Variants in ZDHHC14 observed in about 807,000 individuals in gnomAD.
ZDHHC14 encodes the protein zDHHC palmitoyltransferase 14.
ZDHHC14 carries 16 observed loss-of-function variants against 47.7 expected under a neutral mutation model. The observed-to-expected ratio is 0.34, with a 90% CI of 0.23 to 0.51. The LOEUF (loss-of-function observed/expected upper bound fraction) is 0.51. ZDHHC14 is among the 20% of genes least tolerant of loss of function. The pLI is 0.97. For missense variants in ZDHHC14, 515 were observed against 662.5 expected, an observed-to-expected ratio of 0.78 and a Z score of 2.44; for synonymous variants, 293 against 278.9, an observed-to-expected ratio of 1.05 and a Z score of -0.50.
chr6:157,498,804 G>C (rs1780128927), intron 1 of ZDHHC14, among the ~76,000 whole-genome samples: 2 of 152,180 alleles, frequency 1.3e-5, no homozygotes, highest in African/African-American at 2.4e-5. Context: ...CCAGAGAATA[G>C]TGCAAAAACA....
rs1309647466 is a variant in ZDHHC14, at chr6:157,673,459, C to A, written c.*337C>A. 1.4e-5 allele frequency: 5 copies of A among 363,886 alleles called. No individual in the cohort carries two copies. Among genetic ancestry groups the A allele is most frequent in the Non-Finnish European group, 2.4e-5 (5 of 204,536 alleles). 22.5% of individuals were successfully genotyped at this position (363,886 alleles called of 1,614,324 possible). On this transcript the variant is annotated 3_prime_UTR_variant, in exon 9 of 9. Coordinates refer to ENST00000359775, the MANE Select transcript of ZDHHC14 (RefSeq NM_024630.3). The surrounding 1 kb of genome is among the most constrained non-coding windows in gnomAD (Gnocchi z 5.4). ...CACGGAAGGCTTCTGACGCTTGTGG[C>A]CAGACTGCAATTGCACTTATGTGTT... is the stretch of plus-strand genomic sequence containing the variant.
At chr6:157,462,262 C>T (rs951181005) in intron 1 of ZDHHC14, among the ~76,000 whole-genome samples, 6 of 152,140 alleles carry the variant, frequency 3.9e-5, no homozygotes, top group Non-Finnish European at 7.4e-5. Flanking sequence ...TCAGAGTTGA[C>T]GGACATGCCT....
intron 1 of ZDHHC14, among the ~76,000 whole-genome samples, chr6:157,512,347 A>G (rs547835871): frequency 1.3e-5 from 2 of 152,348 alleles, no homozygotes; most frequent in South Asian, 2.1e-4. Flanking sequence ...GCTTACGGCC[A>G]CATAGCCCTC....
intron 1 of ZDHHC14, 34 bp from the exon 2 acceptor site, chr6:157,542,550 TC>T (rs769411787): frequency 1.5e-4 from 243 of 1,599,014 alleles, no homozygotes; most frequent in Middle Eastern, 3.3e-4. Flanking sequence ...TCCTTTCTTT[TC>T]CCCTTCTCTC....
rs1326796107 is a variant in ZDHHC14, at chr6:157,396,152, C to T, written c.245+13886C>T. 2.0e-5 allele frequency among the ~76,000 whole-genome samples: 3 copies of T among 152,238 alleles called. No individual in the cohort carries two copies. The East Asian group carries it at 5.8e-4, about 29-fold the overall frequency. ...GTCATGTACCAGGATGTTCACCCCT[C>T]CCTGGGTTAGTGAGAAGACCAGGGG... On this transcript the variant is annotated intron_variant, in intron 1 of 8. Coordinates refer to ENST00000359775, the MANE Select transcript of ZDHHC14 (RefSeq NM_024630.3).
Position 157,655,403 on chromosome 6 carries a change from G to T in ZDHHC14, c.1068+1776G>T, listed in dbSNP as rs78118615. On this transcript the variant is annotated intron_variant, in intron 8 of 8. Coordinates refer to ENST00000359775, the MANE Select transcript of ZDHHC14 (RefSeq NM_024630.3). ...TTTGTGGGTTCAAAACTAGCCTGGCGACTCCAGTGCCCACGTTCACTTCTT... is the reference window on the plus strand; with the variant it reads ...TTTGTGGGTTCAAAACTAGCCTGGCTACTCCAGTGCCCACGTTCACTTCTT... 3.3e-4 allele frequency among the ~76,000 whole-genome samples: 51 copies of T among 152,278 alleles called. 1 individual carries two copies. The East Asian group carries it at 7.2e-3, about 21-fold the overall frequency.
Position 157,677,901 on chromosome 6 carries a change from T to C in ZDHHC14, c.*4779T>C, listed in dbSNP as rs1583114393. On this transcript the variant is annotated 3_prime_UTR_variant, in exon 9 of 9. Transcript: ENST00000359775. ...GCCTTGCTAACTTTTTCCCAGAGCA[T>C]TCTGGGTTGATATTTCACAGTCAAA... The C allele has an allele frequency of 6.7e-6, 1 of 148,406 alleles. No homozygotes were observed. The highest frequency in any genetic ancestry group is 1.5e-5 in the Non-Finnish European group (1 of 67,230). 9.2% of individuals were successfully genotyped at this position (148,406 alleles called of 1,614,324 possible). A position where few individuals can be genotyped will look rare whatever the true frequency, so the allele number is the denominator to read the frequency against.
chr6:157,634,685 CAT>C (rs1776878835), intron 5 of ZDHHC14, among the ~76,000 whole-genome samples: 1 of 152,258 alleles, frequency 6.6e-6, no homozygotes, highest in Non-Finnish European at 1.5e-5. Context: ...TGAAGCCTCA[CAT>C]ATGTGGCAGC....
chr6:157,662,035 A>G (rs534786879), intron 8 of ZDHHC14, among the ~76,000 whole-genome samples: 2 of 152,026 alleles, frequency 1.3e-5, no homozygotes, highest in South Asian at 4.2e-4. Flanking sequence ...CCAAATCAGA[A>G]CTTTGTGCAT....
chr6:157,592,058 G>A (rs2114890601), intron 2 of ZDHHC14, among the ~76,000 whole-genome samples: 1 of 152,162 alleles, frequency 6.6e-6, no homozygotes, highest in South Asian at 2.1e-4. Flanking sequence ...AGGAGTCTAG[G>A]TGAAATAAAA....
At chr6:157,651,965 C>G (rs932515820) in intron 7 of ZDHHC14, among the ~76,000 whole-genome samples, 1 of 152,206 alleles carries the variant, frequency 6.6e-6, no homozygotes, top group Non-Finnish European at 1.5e-5. Flanking sequence ...GGCTGTCACC[C>G]GCGCTAGAGG....
At chr6:157,520,131 G>GTCAC (rs1780862334) in intron 1 of ZDHHC14, among the ~76,000 whole-genome samples, 1 of 152,206 alleles carries the variant, frequency 6.6e-6, no homozygotes, top group Non-Finnish European at 1.5e-5. Context: ...CTCCAGAGGT[G>GTCAC]TCACTGTGTT....
chr6:157,657,633 C>T (rs545646864), intron 8 of ZDHHC14, among the ~76,000 whole-genome samples: 51 of 152,198 alleles, frequency 3.4e-4, no homozygotes, highest in Non-Finnish European at 5.6e-4. Context: ...CTACCGCCTC[C>T]ATACCAGAGA....
intron 1 of ZDHHC14, among the ~76,000 whole-genome samples, chr6:157,425,533 C>A (rs75603475): frequency 0.035 from 5,254 of 152,214 alleles, 124 homozygotes; most frequent in Non-Finnish European, 0.049. Context: ...TAGTGAAATG[C>A]GACTAGTGTT....
At chr6:157,454,007 CA>C (rs1395937503) in intron 1 of ZDHHC14, among the ~76,000 whole-genome samples, 3 of 152,052 alleles carry the variant, frequency 2.0e-5, no homozygotes, top group African/African-American at 7.2e-5. Context: ...TGGCTGTGAC[CA>C]ATAGGAAAAA....
At chr6:157,587,445 G>A (rs1295287618) in intron 2 of ZDHHC14, among the ~76,000 whole-genome samples, 4 of 152,192 alleles carry the variant, frequency 2.6e-5, no homozygotes, top group Non-Finnish European at 5.9e-5. Context: ...CCAGATGCCT[G>A]TGACATTAGT....
At chr6:157,400,151 T>A (rs888644405) in intron 1 of ZDHHC14, among the ~76,000 whole-genome samples, 6 of 152,244 alleles carry the variant, frequency 3.9e-5, no homozygotes, top group Non-Finnish European at 8.8e-5. Flanking sequence ...CCCTGGACCT[T>A]GGTGTGGTCC....
In ZDHHC14 at chr6:157,675,523, T is replaced by A. The variant is rs1778955974; in HGVS notation, c.*2401T>A. 1.3e-5 allele frequency: 2 copies of A among 152,206 alleles called. No individual in the cohort carries two copies. Among genetic ancestry groups the A allele is most frequent in the African/African-American group, 2.4e-5 (1 of 41,442 alleles). 9.4% of individuals were successfully genotyped at this position (152,206 alleles called of 1,614,324 possible). ...TTCAGGGTCAAGAGAGAGATTAACTTGAATGGGCCAATTTGCTAGATAATT... is the reference window on the plus strand; with the variant it reads ...TTCAGGGTCAAGAGAGAGATTAACTAGAATGGGCCAATTTGCTAGATAATT... On this transcript the variant is annotated 3_prime_UTR_variant, in exon 9 of 9. Coordinates refer to ENST00000359775, the MANE Select transcript of ZDHHC14 (RefSeq NM_024630.3).
intron 3 of ZDHHC14, among the ~76,000 whole-genome samples, chr6:157,620,603 A>G (rs912492928): frequency 6.6e-6 from 1 of 152,234 alleles, no homozygotes; most frequent in Non-Finnish European, 1.5e-5. Context: ...GGATATCTCC[A>G]CACATGGGCA....
Sources: allele counts gnomAD v4.1 joint callset (sites outside exome capture counted in the v4.1 genomes callset), GRCh38; gene constraint gnomAD v4.1.1; non-coding constraint Gnocchi (gnomAD v3.1); transcripts MANE v1.5; gene names NCBI Gene and HGNC (gene_info 2026-07-23, HGNC 2026-07-21).